NEIL1: variants seen among roughly 807,000 people sequenced by gnomAD.
NEIL1 encodes the protein nei like DNA glycosylase 1.
NEIL1 carries 31 observed loss-of-function variants against 44.2 expected under a neutral mutation model. The observed-to-expected ratio is 0.70, with a 90% CI of 0.53 to 0.95. The LOEUF is 0.95. NEIL1 is among the 40% of genes least tolerant of loss of function. The pLI is 0.00. For synonymous variants in NEIL1, 254 were observed against 209.7 expected, an observed-to-expected ratio of 1.21 and a Z score of -1.83; for missense variants, 549 against 515.5, an observed-to-expected ratio of 1.07 and a Z score of -0.63.
At chr15:75,352,927 G>C (rs1466340377) in intron 5 of NEIL1, 6 of 483,006 alleles carry the variant, frequency 1.2e-5, no homozygotes, top group South Asian at 1.2e-4. Flanking sequence ...CTCACCTGAG[G>C]TCAGGAGTTC....
intron 2 of NEIL1, 94 bp from the exon 3 acceptor site, chr15:75,352,017 T>A (rs1595860782): frequency 3.2e-6 from 4 of 1,247,864 alleles, no homozygotes; most frequent in Non-Finnish European, 4.7e-6. Context: ...CCAGTTTCCT[T>A]CCCCTTGCAC....
At chr15:75,347,706 G>C in intron 1 of NEIL1, 1 of 715,500 alleles carries the variant, frequency 1.4e-6, no homozygotes, top group Non-Finnish European at 1.8e-6. Context: ...GGGGTGCGCT[G>C]TAGGGCTAAG....
At chr15:75,348,217 C>T (rs889293640) in intron 1 of NEIL1, 296 of 775,086 alleles carry the variant, frequency 3.8e-4, no homozygotes, top group Non-Finnish European at 4.4e-4. Context: ...GACCCGGGGG[C>T]GGCCGCGGGG....
chr15:75,353,242 C>A (rs1392009594), intron 5 of NEIL1: 10 of 249,902 alleles, frequency 4.0e-5, no homozygotes, highest in Non-Finnish European at 6.4e-5. Flanking sequence ...CACACACACA[C>A]ACACACACGC....
chr15:75,356,913 G>A lies in NEIL1; in HGVS notation c.*1879G>A. On this transcript the variant is annotated 3_prime_UTR_variant, in exon 10 of 10. Transcript: ENST00000355059. The surrounding 1 kb of genome is among the most constrained non-coding windows in gnomAD (Gnocchi z 5.8). ...GCGATGGGCCCACACCTGGAGGGCA[G>A]ATCCAAGACCCACTTGGTGGCCCTG... 6.2e-7 allele frequency: 1 copy of A among 1,610,962 alleles called. No individual in the cohort carries two copies. Among genetic ancestry groups the A allele is most frequent in the Non-Finnish European group, 8.5e-7 (1 of 1,177,318 alleles).
At chr15:75,347,747 G>C (rs1187419008) in intron 1 of NEIL1, 2 of 1,027,254 alleles carry the variant, frequency 1.9e-6, no homozygotes, top group East Asian at 8.7e-5. Context: ...GCCCTGAGGA[G>C]GAGGGGAGTC....
In NEIL1 at chr15:75,356,276, G is replaced by A. The variant is rs5745935; in HGVS notation, c.*1242G>A. ...GAGGGCAGGCCCAGTTCGGAACCCC[G>A]TCCCCAGCACGTCCCACCCCTTGCC... On this transcript the variant is annotated 3_prime_UTR_variant, in exon 10 of 10. Transcript: ENST00000355059. This position sits in a 1 kb window ranked among gnomAD's most constrained non-coding sequence, Gnocchi z 5.8. 152,676 of 1,611,118 alleles carry A rather than the reference G, an allele frequency of 0.095. 8,333 individuals are homozygous for A. The highest frequency in any genetic ancestry group is 0.19 in the Middle Eastern group (1,159 of 5,988).
At position 75,349,354 on chromosome 15, in the gene NEIL1, A is replaced by G. The variant is rs373455035; in HGVS notation, c.434+15A>G. ...CAGCAGTTCAGGTAGGGCCAGCACCAGGTGTGATGAACATAGTCGCGGGCT... is the reference window on the plus strand; with the variant it reads ...CAGCAGTTCAGGTAGGGCCAGCACCGGGTGTGATGAACATAGTCGCGGGCT... On this transcript the variant is annotated intron_variant, in intron 2 of 9. Coordinates refer to ENST00000355059, the MANE Select transcript of NEIL1 (RefSeq NM_024608.4). 9.5e-6 allele frequency: 15 copies of G among 1,586,710 alleles called. No individual in the cohort carries two copies. In the Admixed American group the frequency reaches 1.2e-4, roughly 13 times the overall value.
rs182211802 is a variant in NEIL1 at position 75,356,020 on chromosome 15, C to T, written c.*986C>T. ...AGTGGCCAGCAGGGTCTGGTCGCTCCAAGAGATCGCAGCTGGAGAACAGGA... is the reference window on the plus strand; with the variant it reads ...AGTGGCCAGCAGGGTCTGGTCGCTCTAAGAGATCGCAGCTGGAGAACAGGA... On this transcript the variant is annotated 3_prime_UTR_variant, in exon 10 of 10. Transcript: ENST00000355059. The surrounding 1 kb of genome is among the most constrained non-coding windows in gnomAD (Gnocchi z 5.8). The T allele has an allele frequency of 1.5e-5, 25 of 1,613,948 alleles. No individual in the cohort carries two copies. In the Admixed American group the frequency reaches 3.3e-4, roughly 22 times the overall value.
rs536413659 is a variant in NEIL1 at position 75,356,738 on chromosome 15, C to T, written c.*1704C>T. 1.4e-5 allele frequency: 23 copies of T among 1,612,228 alleles called. No individual in the cohort carries two copies. Among genetic ancestry groups the T allele is most frequent in the East Asian group, 4.5e-5 (2 of 44,858 alleles). ...ACGCTGAAGCTGTTGGAGTTGTGGT[C>T]GGGAAGACCCATTTCTCCATGCCAG... On this transcript the variant is annotated 3_prime_UTR_variant, in exon 10 of 10. Transcript: ENST00000355059. The surrounding 1 kb of genome is among the most constrained non-coding windows in gnomAD (Gnocchi z 5.8).
Position 75,356,175 on chromosome 15 carries a change from A to C in NEIL1, c.*1141A>C. 1 of 1,613,610 alleles carries C rather than the reference A, an allele frequency of 6.2e-7. No individual in the cohort carries two copies. Among genetic ancestry groups the C allele is most frequent in the South Asian group, 1.1e-5 (1 of 91,080 alleles). ...AGTCCACGTGGCTGCCGTGGGCCTCATACAGCCTCAGGACCAGCGAGCGGC... is the reference window on the plus strand; with the variant it reads ...AGTCCACGTGGCTGCCGTGGGCCTCCTACAGCCTCAGGACCAGCGAGCGGC... On this transcript the variant is annotated 3_prime_UTR_variant, in exon 10 of 10. Coordinates refer to ENST00000355059, the MANE Select transcript of NEIL1 (RefSeq NM_024608.4). This position sits in a 1 kb window ranked among gnomAD's most constrained non-coding sequence, Gnocchi z 5.8.
intron 5 of NEIL1, 67 bp downstream of exon 5, chr15:75,352,768 C>G: frequency 7.9e-7 from 1 of 1,266,412 alleles, no homozygotes; most frequent in East Asian, 2.5e-5. Context: ...GCACTTGTCC[C>G]TCTCTGGACC....
rs754653920 is a variant in NEIL1, at chr15:75,349,193, T to C, written c.288T>C (p.His96=). 1.9e-6 allele frequency: 3 copies of C among 1,609,182 alleles called. No individual in the cohort carries two copies. Among genetic ancestry groups the C allele is most frequent in the Non-Finnish European group, 2.5e-6 (3 of 1,179,896 alleles). Residue 96 remains histidine, a synonymous_variant, in exon 2 of 10, where the codon CAT becomes CAC. Transcript: ENST00000355059. ...TGCCCCGCGAGGAGCTGCCACGCCA[T>C]GCCCACCTGCGCTTTTACACGGCCC... ...QLVPREELPR[H]AHLRFYTAPP... is the part of the protein sequence containing the mutation.
chr15:75,348,471 C>G, intron 1 of NEIL1: 3 of 1,032,284 alleles, frequency 2.9e-6, no homozygotes, highest in Non-Finnish European at 3.5e-6. Context: ...GGGGTGCTCC[C>G]TCAGATGGGG....
At position 75,352,680 on chromosome 15, in the gene NEIL1, C is replaced by T. The variant is rs1359577738; in HGVS notation, c.697C>T (p.Pro233Ser). The change falls in exon 5 of 10, where the codon CCC (proline) becomes TCC (serine). Residue 233 changes from proline (P) to serine (S), a missense_variant. Pro to Ser is a moderately conservative substitution (Grantham distance 74). Coordinates refer to ENST00000355059, the MANE Select transcript of NEIL1 (RefSeq NM_024608.4). Reference sequence around the variant, plus strand: ...CCTGCTGGAGCTATGTCACTCAGTGCCCAAGGAAGTGGTCCAGTTGGGTGA... The same window carrying T: ...CCTGCTGGAGCTATGTCACTCAGTGTCCAAGGAAGTGGTCCAGTTGGGTGA... Reference protein sequence around the residue: ...PDLLELCHSVPKEVVQLGGKG... With the variant: ...PDLLELCHSVSKEVVQLGGKG... The T allele has an allele frequency of 6.2e-7, 1 of 1,612,244 alleles. No homozygotes were observed. The highest frequency in any genetic ancestry group is 1.7e-5 in the Admixed American group (1 of 59,838).
chr15:75,352,768 C>T (rs1005982490), intron 5 of NEIL1, 67 bp downstream of exon 5: 26 of 1,266,294 alleles, frequency 2.1e-5, no homozygotes, highest in Admixed American at 1.8e-4. Context: ...GCACTTGTCC[C>T]TCTCTGGACC....
At position 75,352,318 on chromosome 15, in the gene NEIL1, C is replaced by A. The variant is rs761564549; in HGVS notation, c.555-6C>A. The stretch of plus-strand genomic sequence containing the variant: ...CCTAGCATGGCTTGCCTTGCCCCCA[C>A]TACAGGCTGAAGATCCCCCCCTTTG... On this transcript the variant is annotated splice_region_variant and splice_polypyrimidine_tract_variant and intron_variant, in intron 3 of 9. Coordinates refer to ENST00000355059, the MANE Select transcript of NEIL1 (RefSeq NM_024608.4). 6.2e-7 allele frequency: 1 copy of A among 1,614,192 alleles called. No homozygotes were observed. The highest frequency in any genetic ancestry group is 1.1e-5 in the South Asian group (1 of 91,088).
chr15:75,354,084 A>G, intron 6 of NEIL1, 166 bp from the exon 7 acceptor site: 1 of 1,026,918 alleles, frequency 9.7e-7, no homozygotes, highest in Non-Finnish European at 1.5e-6. Context: ...AGCCAAGGGC[A>G]GAGCAGCTTT....
At chr15:75,350,412 C>T (rs757688311) in intron 2 of NEIL1, among the ~76,000 whole-genome samples, 5 of 152,016 alleles carry the variant, frequency 3.3e-5, no homozygotes, top group South Asian at 4.1e-4. Context: ...ATGACTTGGC[C>T]GAGGGTGGGG....
Sources: allele counts gnomAD v4.1 joint callset (sites outside exome capture counted in the v4.1 genomes callset), GRCh38; gene constraint gnomAD v4.1.1; non-coding constraint Gnocchi (gnomAD v3.1); transcripts MANE v1.5; gene names NCBI Gene and HGNC (gene_info 2026-07-23, HGNC 2026-07-21).